FSIP1: variants seen among roughly 807,000 people sequenced by gnomAD.
FSIP1 encodes fibrous sheath interacting protein 1, also known as fibrous sheath-interacting protein 1.
A neutral mutation model predicts 60.9 loss-of-function variants in FSIP1; 65 were observed. The ratio of observed to expected loss-of-function variants is 1.07; its 90% CI spans 0.87 to 1.31. The LOEUF is 1.31. FSIP1 is among the 40% of genes most tolerant of loss of function. The pLI is 0.00. For synonymous variants in FSIP1, 209 were observed against 221.2 expected, an observed-to-expected ratio of 0.94 and a Z score of 0.49; for missense variants, 675 against 665.5, an observed-to-expected ratio of 1.01 and a Z score of -0.16.
intron 10 of FSIP1, among the ~76,000 whole-genome samples, chr15:39,692,736 C>T (rs1038513716): frequency 8.6e-5 from 13 of 150,826 alleles, no homozygotes; most frequent in African/African-American, 2.9e-4. Flanking sequence ...AGAGAGAAGA[C>T]CCTAGGTTTA....
intron 10 of FSIP1, among the ~76,000 whole-genome samples, chr15:39,700,915 G>A (rs1488363357): frequency 6.6e-6 from 1 of 152,162 alleles, no homozygotes; most frequent in Non-Finnish European, 1.5e-5. Context: ...ACTTGGGGAG[G>A]CCGAGACAGG....
At chr15:39,753,582 T>A (rs568979421) in intron 5 of FSIP1, among the ~76,000 whole-genome samples, 48 of 152,086 alleles carry the variant, frequency 3.2e-4, no homozygotes, top group Non-Finnish European at 6.2e-4. Context: ...GGTATTTAAA[T>A]CCATTAATTT....
chr15:39,695,922 G>A (rs1894795557), intron 10 of FSIP1, among the ~76,000 whole-genome samples: 1 of 152,216 alleles, frequency 6.6e-6, no homozygotes, highest in Non-Finnish European at 1.5e-5. Flanking sequence ...AAGAAATGAA[G>A]GTAAGAAGAG....
chr15:39,775,482 G>C (rs1898023181), intron 2 of FSIP1, among the ~76,000 whole-genome samples: 1 of 139,262 alleles, frequency 7.2e-6, no homozygotes, highest in Non-Finnish European at 1.7e-5. Context: ...TAGAAGTCTA[G>C]ATATTTTAAG....
intron 10 of FSIP1, among the ~76,000 whole-genome samples, chr15:39,644,896 C>G (rs1222597539): frequency 1.3e-5 from 2 of 152,208 alleles, no homozygotes; most frequent in Non-Finnish European, 2.9e-5. Flanking sequence ...CATTCCATTT[C>G]TCATCCACAT....
At chr15:39,724,097 T>C (rs1896092233) in intron 9 of FSIP1, among the ~76,000 whole-genome samples, 1 of 152,200 alleles carries the variant, frequency 6.6e-6, no homozygotes, top group Non-Finnish European at 1.5e-5. Context: ...TCCAAATATA[T>C]GTTATTTCAC....
intron 10 of FSIP1, among the ~76,000 whole-genome samples, chr15:39,619,921 G>A (rs1891381086): frequency 6.6e-6 from 1 of 152,122 alleles, no homozygotes; most frequent in Non-Finnish European, 1.5e-5. Context: ...GTAGGAGGGA[G>A]GATTGGTAGA....
intron 10 of FSIP1, among the ~76,000 whole-genome samples, chr15:39,677,356 C>A (rs1413814693): frequency 6.6e-6 from 1 of 152,162 alleles, no homozygotes; most frequent in Non-Finnish European, 1.5e-5. Flanking sequence ...CAGGCTTGAG[C>A]TTCCCCATAT....
chr15:39,609,964 G>T (rs896521477), intron 11 of FSIP1, among the ~76,000 whole-genome samples: 1 of 152,198 alleles, frequency 6.6e-6, no homozygotes, highest in African/African-American at 2.4e-5. Flanking sequence ...ATAATCAAAT[G>T]CTAAACTAAC....
intron 10 of FSIP1, among the ~76,000 whole-genome samples, chr15:39,655,616 C>A (rs1189886014): frequency 2.0e-5 from 3 of 152,054 alleles, no homozygotes; most frequent in Non-Finnish European, 4.4e-5. Flanking sequence ...ACCTATGAAA[C>A]CTTGGATAAG....
chr15:39,780,850 A>C (rs1414249385), intron 1 of FSIP1, among the ~76,000 whole-genome samples: 1 of 152,226 alleles, frequency 6.6e-6, no homozygotes, highest in Non-Finnish European at 1.5e-5. Context: ...AGCCTGTCAA[A>C]GTGCTGGGAT....
At chr15:39,702,430 A>AATTTTTTTTTTT (rs2140526547) in intron 10 of FSIP1, among the ~76,000 whole-genome samples, 1 of 145,480 alleles carries the variant, frequency 6.9e-6, no homozygotes, top group Admixed American at 7.1e-5. Context: ...TTTTAAAACT[A>AATTTTTTTTTTT]CTTTTTAAAA....
chr15:39,685,881 G>T (rs866356137), intron 10 of FSIP1, among the ~76,000 whole-genome samples: 1 of 152,112 alleles, frequency 6.6e-6, no homozygotes, highest in Admixed American at 6.5e-5. Flanking sequence ...CATTCTGCAT[G>T]CTCTCTGTAC....
At chr15:39,681,227 AAT>A (rs1894148142) in intron 10 of FSIP1, among the ~76,000 whole-genome samples, 1 of 152,220 alleles carries the variant, frequency 6.6e-6, no homozygotes, top group Non-Finnish European at 1.5e-5. Flanking sequence ...ACTCCAATAC[AAT>A]GCAACTTAAA....
chr15:39,677,411 T>G (rs1200703686), intron 10 of FSIP1, among the ~76,000 whole-genome samples: 6 of 152,228 alleles, frequency 3.9e-5, no homozygotes, highest in Admixed American at 1.3e-4. Flanking sequence ...GAACAGGGAC[T>G]GTCTTATTCC....
intron 4 of FSIP1, among the ~76,000 whole-genome samples, chr15:39,764,569 G>C (rs1897617299): frequency 6.6e-6 from 1 of 152,114 alleles, no homozygotes. Context: ...TACCTTAAAG[G>C]TGCTTTCCTT....
At chr15:39,711,833 C>T (rs2140550161) in intron 10 of FSIP1, among the ~76,000 whole-genome samples, 1 of 152,008 alleles carries the variant, frequency 6.6e-6, no homozygotes. Context: ...TACGGGCGCA[C>T]ACTGCCAAGC....
intron 10 of FSIP1, among the ~76,000 whole-genome samples, chr15:39,702,175 G>A (rs930313622): frequency 3.3e-5 from 5 of 151,790 alleles, no homozygotes; most frequent in African/African-American, 7.3e-5. Flanking sequence ...TCCACTCGGG[G>A]TTAACCATTT....
chr15:39,707,268 C>A (rs1040787637), intron 10 of FSIP1, among the ~76,000 whole-genome samples: 2 of 152,184 alleles, frequency 1.3e-5, no homozygotes, highest in Non-Finnish European at 2.9e-5. Flanking sequence ...CTCCCCTGGG[C>A]TACCTGATTG....
Sources: gnomAD v4.1 joint callset for allele counts (sites outside exome capture counted in the v4.1 genomes callset) on GRCh38, gnomAD v4.1.1 for gene constraint, MANE v1.5 for transcripts, NCBI Gene and HGNC (gene_info 2026-07-23, HGNC 2026-07-21) for gene names.